SGCZ: variants seen among roughly 807,000 people sequenced by gnomAD.
SGCZ encodes the protein zeta-sarcoglycan.
SGCZ carries 40 observed loss-of-function variants against 41.3 expected under a neutral mutation model. The ratio of observed to expected loss-of-function variants is 0.97; its 90% CI spans 0.75 to 1.26. The LOEUF is 1.26. SGCZ is among the 50% of genes most tolerant of loss of function. SGCZ has a pLI of 0.00. For synonymous variants in SGCZ, 206 were observed against 137.5 expected, an observed-to-expected ratio of 1.50 and a Z score of -3.49; for missense variants, 552 against 369.8, an observed-to-expected ratio of 1.49 and a Z score of -4.04.
intron 1 of SGCZ, among the ~76,000 whole-genome samples, chr8:14,618,191 T>G (rs1201739177): frequency 6.6e-6 from 1 of 152,142 alleles, no homozygotes; most frequent in Non-Finnish European, 1.5e-5. Flanking sequence ...GAAGCTTATA[T>G]TTTATAACGA....
chr8:14,179,156 A>G (rs186229250), intron 4 of SGCZ, among the ~76,000 whole-genome samples: 120 of 152,340 alleles, frequency 7.9e-4, no homozygotes, highest in African/African-American at 2.7e-3. Flanking sequence ...TGTAAGATAC[A>G]AATTGTCAGG....
intron 1 of SGCZ, among the ~76,000 whole-genome samples, chr8:14,602,779 A>T (rs1434157882): frequency 1.3e-5 from 2 of 152,138 alleles, no homozygotes; most frequent in Admixed American, 1.3e-4. Flanking sequence ...TAAGCATTTG[A>T]GAGTAATAAC....
chr8:14,620,228 C>A (rs1242237376), intron 1 of SGCZ, among the ~76,000 whole-genome samples: 1 of 152,072 alleles, frequency 6.6e-6, no homozygotes, highest in Non-Finnish European at 1.5e-5. Flanking sequence ...GGAAAACTGG[C>A]TAGCCATATG....
chr8:14,853,023 T>C (rs1803392473), intron 1 of SGCZ, among the ~76,000 whole-genome samples: 1 of 152,232 alleles, frequency 6.6e-6, no homozygotes, highest in African/African-American at 2.4e-5. Context: ...AGGCCAGCTC[T>C]GCTTCTGAGG....
At chr8:14,729,183 C>T (rs548854971) in intron 1 of SGCZ, among the ~76,000 whole-genome samples, 3 of 152,248 alleles carry the variant, frequency 2.0e-5, no homozygotes, top group South Asian at 2.1e-4. Flanking sequence ...CACCTTTCTT[C>T]CAAGGTGTTA....
chr8:14,942,561 T>C (rs2130822561), intron 1 of SGCZ, among the ~76,000 whole-genome samples: 1 of 152,286 alleles, frequency 6.6e-6, no homozygotes, highest in South Asian at 2.1e-4. Flanking sequence ...TCCAAATATT[T>C]GAATATATCT....
chr8:14,375,835 T>A (rs886379548), intron 2 of SGCZ, among the ~76,000 whole-genome samples: 10 of 151,870 alleles, frequency 6.6e-5, no homozygotes, highest in African/African-American at 2.4e-4. Flanking sequence ...AATAAACCAA[T>A]GGAATCCAAA....
chr8:14,892,420 C>T (rs573868475), intron 1 of SGCZ, among the ~76,000 whole-genome samples: 1 of 152,090 alleles, frequency 6.6e-6, no homozygotes, highest in South Asian at 2.1e-4. Flanking sequence ...CTGTGAGATA[C>T]GACTGTGATA....
intron 1 of SGCZ, among the ~76,000 whole-genome samples, chr8:15,221,349 T>C (rs978521523): frequency 1.3e-5 from 2 of 152,138 alleles, no homozygotes; most frequent in African/African-American, 4.8e-5. Flanking sequence ...ATGAGTAAGA[T>C]TTATTTTCAG....
chr8:14,103,229 T>C (rs1039590152), intron 6 of SGCZ, among the ~76,000 whole-genome samples: 1 of 151,858 alleles, frequency 6.6e-6, no homozygotes, highest in Non-Finnish European at 1.5e-5. Flanking sequence ...ACAGTCAGAG[T>C]TGGGAGGCAG....
intron 1 of SGCZ, among the ~76,000 whole-genome samples, chr8:15,021,005 G>C (rs572056372): frequency 2.0e-5 from 3 of 152,276 alleles, no homozygotes; most frequent in East Asian, 1.9e-4. Flanking sequence ...TGCTAAAAGA[G>C]ACATTTATGT....
chr8:15,092,234 C>G (rs1806180015), intron 1 of SGCZ, among the ~76,000 whole-genome samples: 1 of 152,202 alleles, frequency 6.6e-6, no homozygotes, highest in Non-Finnish European at 1.5e-5. Context: ...GTTTAGCTAT[C>G]TGCTTCACTG....
chr8:14,818,277 G>A (rs1044260813), intron 1 of SGCZ, among the ~76,000 whole-genome samples: 13 of 152,080 alleles, frequency 8.5e-5, no homozygotes, highest in Non-Finnish European at 1.6e-4. Context: ...CTGGCCTGAC[G>A]ACTAACCTGA....
At chr8:14,115,964 C>T (rs1446853407) in intron 5 of SGCZ, among the ~76,000 whole-genome samples, 2 of 152,010 alleles carry the variant, frequency 1.3e-5, no homozygotes, top group Non-Finnish European at 2.9e-5. Context: ...GCAGGTCATA[C>T]CGACCATTAC....
intron 1 of SGCZ, among the ~76,000 whole-genome samples, chr8:14,751,435 TAGAC>T (rs914188435): frequency 3.9e-5 from 6 of 152,122 alleles, no homozygotes; most frequent in African/African-American, 7.2e-5. Context: ...CAAAAACACA[TAGAC>T]AGTTACTTAA....
At chr8:14,975,809 A>ATATATATATATATATATATGTGTG (rs1181919961) in intron 1 of SGCZ, among the ~76,000 whole-genome samples, 3 of 131,894 alleles carry the variant, frequency 2.3e-5, no homozygotes, top group Non-Finnish European at 4.6e-5. Context: ...ATATATATAT[A>ATATATATATATATATATATGTGTG]TGTGTGTGTG....
intron 1 of SGCZ, among the ~76,000 whole-genome samples, chr8:14,627,268 G>A (rs1475827522): frequency 1.3e-5 from 2 of 152,082 alleles, no homozygotes; most frequent in African/African-American, 2.4e-5. Context: ...TACATCTTCT[G>A]TGGGTAAAAT....
chr8:15,114,328 C>T (rs933573183), intron 1 of SGCZ, among the ~76,000 whole-genome samples: 1 of 152,106 alleles, frequency 6.6e-6, no homozygotes, highest in Admixed American at 6.6e-5. Context: ...TCCACAATCT[C>T]TAGTTTGCTG....
intron 1 of SGCZ, among the ~76,000 whole-genome samples, chr8:14,989,934 C>A (rs1318080214): frequency 2.0e-5 from 3 of 152,192 alleles, no homozygotes; most frequent in Non-Finnish European, 2.9e-5. Flanking sequence ...GGAACTCTTC[C>A]TTCTACGTGT....
Sources: allele counts gnomAD v4.1 joint callset (sites outside exome capture counted in the v4.1 genomes callset), GRCh38; gene constraint gnomAD v4.1.1; transcripts MANE v1.5; gene names NCBI Gene and HGNC (gene_info 2026-07-23, HGNC 2026-07-21).